CAMKMT: variants seen among roughly 807,000 people sequenced by gnomAD.
The protein encoded by CAMKMT is calmodulin-lysine N-methyltransferase.
A neutral mutation model predicts 48.0 loss-of-function variants in CAMKMT; 53 were observed. The ratio of observed to expected loss-of-function variants is 1.10; its 90% confidence interval spans 0.89 to 1.39. The LOEUF is 1.39. Ranked by LOEUF, CAMKMT falls within the 40% of genes most tolerant of loss-of-function variation. The probability of loss-of-function intolerance (pLI) is 0.00; values close to 1 mark genes in which losing one functional copy is unlikely to be tolerated. For synonymous variants in CAMKMT, 165 were observed against 152.3 expected, an observed-to-expected ratio of 1.08 and a Z score of -0.61; for missense variants, 428 against 402.7, an observed-to-expected ratio of 1.06 and a Z score of -0.54.
chr2:44,444,313 G>A (rs975170881), intron 3 of CAMKMT, among the ~76,000 whole-genome samples: 1 of 152,168 alleles, frequency 6.6e-6, no homozygotes, highest in Non-Finnish European at 1.5e-5. Context: ...TGTCGGATAT[G>A]TGAATGACAG....
At chr2:44,529,022 A>G (rs562077486) in intron 3 of CAMKMT, among the ~76,000 whole-genome samples, 92 of 152,176 alleles carry the variant, frequency 6.0e-4, no homozygotes, top group African/African-American at 2.1e-3. Flanking sequence ...ATCTTTCTTC[A>G]TTTATTAGTT....
At chr2:44,754,214 AT>A in intron 9 of CAMKMT, 96 bp downstream of exon 9, 1 of 932,516 alleles carries the variant, frequency 1.1e-6, no homozygotes, top group Non-Finnish European at 1.7e-6. Flanking sequence ...GATTAATGTC[AT>A]GTAATACTTT....
chr2:44,558,969 G>GTA (rs1159434407), intron 3 of CAMKMT, among the ~76,000 whole-genome samples: 1 of 149,498 alleles, frequency 6.7e-6, no homozygotes, highest in African/African-American at 2.5e-5. Context: ...GTGTGTGTGT[G>GTA]TGTATGTATG....
chr2:44,759,728 G>T (rs951565082), intron 9 of CAMKMT, among the ~76,000 whole-genome samples: 2 of 152,078 alleles, frequency 1.3e-5, no homozygotes, highest in African/African-American at 2.4e-5. Context: ...CAGTGCAGGG[G>T]CCCAGCCCTG....
At chr2:44,438,722 G>T (rs1329838795) in intron 3 of CAMKMT, among the ~76,000 whole-genome samples, 1 of 152,016 alleles carries the variant, frequency 6.6e-6, no homozygotes, top group Non-Finnish European at 1.5e-5. Flanking sequence ...TTTTGAGATG[G>T]AGTCTCACTC....
At chr2:44,447,498 T>TG (rs1553392871) in intron 3 of CAMKMT, among the ~76,000 whole-genome samples, 1 of 152,058 alleles carries the variant, frequency 6.6e-6, no homozygotes, top group Non-Finnish European at 1.5e-5. Flanking sequence ...AAACAGCCCA[T>TG]CCCCCCCAAC....
chr2:44,496,357 G>A (rs1294203264), intron 3 of CAMKMT, among the ~76,000 whole-genome samples: 1 of 152,130 alleles, frequency 6.6e-6, no homozygotes, highest in Admixed American at 6.6e-5. Flanking sequence ...AGGGAGTGAA[G>A]GTTAAAGGTA....
chr2:44,671,266 C>G (rs958679419), intron 3 of CAMKMT, among the ~76,000 whole-genome samples: 1 of 152,138 alleles, frequency 6.6e-6, no homozygotes, highest in South Asian at 2.1e-4. Context: ...GATCTGCATC[C>G]TTTCCTGTCA....
intron 3 of CAMKMT, among the ~76,000 whole-genome samples, chr2:44,622,749 G>A (rs1285278618): frequency 6.6e-6 from 1 of 152,176 alleles, no homozygotes; most frequent in Non-Finnish European, 1.5e-5. Flanking sequence ...TTGATGGGCT[G>A]GTTTGATTCC....
intron 7 of CAMKMT, among the ~76,000 whole-genome samples, chr2:44,734,698 C>A (rs867874395): frequency 6.6e-6 from 1 of 152,146 alleles, no homozygotes. Context: ...AGGGATGAGC[C>A]ACCATGCCCA....
chr2:44,477,103 T>C (rs1668728319), intron 3 of CAMKMT, among the ~76,000 whole-genome samples: 1 of 152,202 alleles, frequency 6.6e-6, no homozygotes, highest in Non-Finnish European at 1.5e-5. Flanking sequence ...TAGGCATGTA[T>C]TACCACATAC....
intron 3 of CAMKMT, among the ~76,000 whole-genome samples, chr2:44,659,952 ATTGAAGACCC>A (rs776680916): frequency 6.6e-5 from 10 of 152,316 alleles, no homozygotes; most frequent in Non-Finnish European, 1.5e-4. Context: ...TTTAAAAATT[ATTGAAGACCC>A]AAAGAACTTT....
intron 2 of CAMKMT, among the ~76,000 whole-genome samples, chr2:44,382,000 G>GGC (rs1680294945): frequency 1.4e-5 from 2 of 139,096 alleles, no homozygotes; most frequent in African/African-American, 5.3e-5. Flanking sequence ...GGAATGCAAT[G>GGC]GCACGATCTC....
At chr2:44,672,578 G>A (rs1226972755) in intron 3 of CAMKMT, among the ~76,000 whole-genome samples, 1 of 152,168 alleles carries the variant, frequency 6.6e-6, no homozygotes, top group African/African-American at 2.4e-5. Flanking sequence ...TACATGAGCA[G>A]AGCACCTATT....
At chr2:44,531,259 C>T (rs1666469618) in intron 3 of CAMKMT, among the ~76,000 whole-genome samples, 1 of 152,038 alleles carries the variant, frequency 6.6e-6, no homozygotes, top group Non-Finnish European at 1.5e-5. Flanking sequence ...AATAATGGGT[C>T]TAATACACCA....
At position 44,650,117 on chromosome 2, in the gene CAMKMT, C is replaced by A. The variant is rs931693284; in HGVS notation, c.377-54166C>A. On this transcript the variant is annotated intron_variant, in intron 3 of 10. Transcript: ENST00000378494. ...AGTTACCTAAAACAACAAAATTATT[C>A]TTTCACAGTTCTGGAGGCTAGAAGT... Among the ~76,000 whole-genome samples the A allele has an allele frequency of 2.0e-5, 3 of 152,166 alleles. No homozygotes were observed. The South Asian group carries it at 6.2e-4, about 32-fold the overall frequency.
intron 2 of CAMKMT, 59 bp downstream of exon 2, chr2:44,372,947 C>G (rs1679331784): frequency 2.2e-6 from 3 of 1,394,358 alleles, no homozygotes; most frequent in Non-Finnish European, 3.0e-6. Flanking sequence ...ATAAGAAAAA[C>G]AATCTAATAA....
chr2:44,711,346 TA>T (rs1440703734), intron 6 of CAMKMT, among the ~76,000 whole-genome samples: 1 of 152,230 alleles, frequency 6.6e-6, no homozygotes, highest in Non-Finnish European at 1.5e-5. Flanking sequence ...AAGATAGGTC[TA>T]GTACCTATCC....
Position 44,375,841 on chromosome 2 carries a change from A to T in CAMKMT, c.311+2953A>T, listed in dbSNP as rs545252977. 5.3e-5 allele frequency among the ~76,000 whole-genome samples: 8 copies of T among 151,862 alleles called. No individual in the cohort carries two copies. In the East Asian group the frequency reaches 1.2e-3, roughly 22 times the overall value. Reference sequence around the variant, plus strand: ...CAATCTGTCACCCAGGCTGGAGTGCAGTAGCCCATTCTCAGCTTACTGCAA... The same window carrying T: ...CAATCTGTCACCCAGGCTGGAGTGCTGTAGCCCATTCTCAGCTTACTGCAA... On this transcript the variant is annotated intron_variant, in intron 2 of 10. Coordinates refer to ENST00000378494, the MANE Select transcript of CAMKMT (RefSeq NM_024766.5).
Sources: gnomAD v4.1 joint callset for allele counts (sites outside exome capture counted in the v4.1 genomes callset) on GRCh38, gnomAD v4.1.1 for gene constraint, MANE v1.5 for transcripts, NCBI Gene and HGNC (gene_info 2026-07-23, HGNC 2026-07-21) for gene names.